Variants in C4orf54 observed in about 807,000 individuals in gnomAD.
C4orf54 encodes uncharacterized protein C4orf54.
A neutral mutation model predicts 80.1 loss-of-function variants in C4orf54; 67 were observed. The observed-to-expected ratio is 0.84, with a 90% CI of 0.69 to 1.03. The LOEUF (loss-of-function observed/expected upper bound fraction) is 1.03, where lower values mean the gene tolerates loss of function less well. Among genes scored for constraint, C4orf54 ranks in the 50% least tolerant of loss-of-function variants. The probability of loss-of-function intolerance (pLI) is 0.00; values close to 1 mark genes in which losing one functional copy is unlikely to be tolerated. For missense variants in C4orf54, 2,434 were observed against 2,253.5 expected, an observed-to-expected ratio of 1.08 and a Z score of -1.62; for synonymous variants, 1,000 against 917.0, an observed-to-expected ratio of 1.09 and a Z score of -1.64.
Position 99,652,570 on chromosome 4 carries a change from C to A in C4orf54, c.2079G>T (p.Arg693Ser). ...SSAASVAAGL[R>S]KGSGARATAD... ...CAGTGGCCCGGGCCCCACTGCCCTTCCTCAGACCTGCAGCCACAGAGGCCG... is the reference window on the plus strand; with the variant it reads ...CAGTGGCCCGGGCCCCACTGCCCTTACTCAGACCTGCAGCCACAGAGGCCG... Residue 693 changes from arginine (R) to serine (S), a missense_variant, in exon 2 of 3, where the codon AGG (arginine) becomes AGT (serine). Physicochemically the swap from Arg to Ser is moderately radical, Grantham distance 110. Coordinates refer to ENST00000511828, the MANE Select transcript of C4orf54 (RefSeq NM_001354435.2). 1 of 1,536,078 alleles carries A rather than the reference C, an allele frequency of 6.5e-7. No homozygotes were observed. Among genetic ancestry groups the A allele is most frequent in the Non-Finnish European group, 8.7e-7 (1 of 1,146,900 alleles).
Position 99,649,776 on chromosome 4 carries a change from C to T in C4orf54, c.4873G>A (p.Asp1625Asn). The T allele has an allele frequency of 6.5e-7, 1 of 1,536,198 alleles. No homozygotes were observed. The highest frequency in any genetic ancestry group is 1.4e-5 in the African/African-American group (1 of 73,146). The change falls in exon 2 of 3, where the codon GAC becomes AAC. Residue 1625 changes from aspartate to asparagine, a missense_variant. Coordinates refer to ENST00000511828, the MANE Select transcript of C4orf54 (RefSeq NM_001354435.2). ...DVTTGQYYLV[D>N]TPVQPMTRRL... ...CGGGTCATGGGCTGTACTGGTGTGT[C>T]CACCAGATAGTACTGGCCTGTTGTC...
intron 1 of C4orf54, among the ~76,000 whole-genome samples, chr4:99,656,558 C>A (rs990972522): frequency 2.6e-5 from 4 of 152,146 alleles, no homozygotes; most frequent in Non-Finnish European, 5.9e-5. Context: ...GGATTACAGG[C>A]GTGAGCCACA....
Position 99,638,890 on chromosome 4 carries a change from A to G in C4orf54, c.*2343T>C. On this transcript the variant is annotated 3_prime_UTR_variant, in exon 3 of 3. Transcript: ENST00000511828. ...TTATTTAAAAGTTGCGTTTTTAGCC[A>G]CTTGGACATCACTGTGTCCTTGGCA... 1 of 152,192 alleles carries G rather than the reference A, an allele frequency of 6.6e-6. No homozygotes were observed. Among genetic ancestry groups the G allele is most frequent in the South Asian group, 2.1e-4 (1 of 4,834 alleles). 9.4% of individuals were successfully genotyped at this position (152,192 alleles called of 1,614,324 possible). A position where few individuals can be genotyped will look rare whatever the true frequency, so the allele number is the denominator to read the frequency against.
chr4:99,651,400 T>C lies in C4orf54; in HGVS notation c.3249A>G (p.Lys1083=). 1 of 1,536,262 alleles carries C rather than the reference T, an allele frequency of 6.5e-7. No individual in the cohort carries two copies. The highest frequency in any genetic ancestry group is 2.4e-5 in the East Asian group (1 of 40,910). ...TGTCTCTCACCTGGAAATGGGGCAC[T>C]TTTTCTAGGTTGTCCCCGCGGAAGA... is the stretch of plus-strand genomic sequence containing the variant. ...QKLFRGDNLE[K]VPHFQVRDIR... Residue 1083 remains lysine (K), a synonymous_variant, in exon 2 of 3, where the codon AAA becomes AAG. Transcript: ENST00000511828.
intron 2 of C4orf54, among the ~76,000 whole-genome samples, chr4:99,648,467 C>G (rs1047029545): frequency 1.3e-5 from 2 of 152,056 alleles, no homozygotes; most frequent in African/African-American, 4.8e-5. Context: ...TGTGTTCAGT[C>G]TGGACAGGAC....
Position 99,636,947 on chromosome 4 carries a change from C to T in C4orf54, c.*4286G>A, listed in dbSNP as rs1427869763. 1 of 152,170 alleles carries T rather than the reference C, an allele frequency of 6.6e-6. No individual in the cohort carries two copies. The highest frequency in any genetic ancestry group is 1.5e-5 in the Non-Finnish European group (1 of 68,024). 9.4% of individuals were successfully genotyped at this position (152,170 alleles called of 1,614,324 possible). A position where few individuals can be genotyped will look rare whatever the true frequency, so the allele number is the denominator to read the frequency against. ...CCAATATCCTTCCCCATTAATCACACAATTTACTCTCCTTTTTTCCAACAT... is the reference window on the plus strand; with the variant it reads ...CCAATATCCTTCCCCATTAATCACATAATTTACTCTCCTTTTTTCCAACAT... On this transcript the variant is annotated 3_prime_UTR_variant, in exon 3 of 3. Coordinates refer to ENST00000511828, the MANE Select transcript of C4orf54 (RefSeq NM_001354435.2).
At position 99,653,722 on chromosome 4, in the gene C4orf54, A is replaced by G. The variant is rs1578277506; in HGVS notation, c.927T>C (p.Ser309=). Reference sequence around the variant, plus strand: ...CGGCCTGGCAACCTTCACTTTCACCACTCTCACTCTCGAAGCCTAAGGATG... The same window carrying G: ...CGGCCTGGCAACCTTCACTTTCACCGCTCTCACTCTCGAAGCCTAAGGATG... ...SSSSLGFESE[S]GESEGCQAVG... The change falls in exon 2 of 3, where the codon AGT becomes AGC. Residue 309 remains serine, a synonymous_variant. Coordinates refer to ENST00000511828, the MANE Select transcript of C4orf54 (RefSeq NM_001354435.2). The G allele has an allele frequency of 6.5e-7, 1 of 1,528,592 alleles. No individual in the cohort carries two copies. Among genetic ancestry groups the G allele is most frequent in the African/African-American group, 1.4e-5 (1 of 71,174 alleles). 94.7% of individuals were successfully genotyped at this position (1,528,592 alleles called of 1,614,324 possible).
chr4:99,638,583 A>T lies in C4orf54; in HGVS notation c.*2650T>A, dbSNP rs1726550592. 1 of 152,192 alleles carries T rather than the reference A, an allele frequency of 6.6e-6. No individual in the cohort carries two copies. The highest frequency in any genetic ancestry group is 2.4e-5 in the African/African-American group (1 of 41,464). The allele number at this position is 152,192 out of a possible 1,614,324, so 9.4% of individuals were successfully genotyped here. ...AATAAAAGGGAAGTTCAGTAACTAAAGGGACATTATTAGGGTAATAGTTTT... is the reference window on the plus strand; with the variant it reads ...AATAAAAGGGAAGTTCAGTAACTAATGGGACATTATTAGGGTAATAGTTTT... On this transcript the variant is annotated 3_prime_UTR_variant, in exon 3 of 3. Coordinates refer to ENST00000511828, the MANE Select transcript of C4orf54 (RefSeq NM_001354435.2).
chr4:99,641,068 C>G lies in C4orf54; in HGVS notation c.*165G>C, dbSNP rs1009947641. 1 of 152,092 alleles carries G rather than the reference C, an allele frequency of 6.6e-6. No homozygotes were observed. The highest frequency in any genetic ancestry group is 2.4e-5 in the African/African-American group (1 of 41,430). 9.4% of individuals were successfully genotyped at this position (152,092 alleles called of 1,614,324 possible). Reference sequence around the variant, plus strand: ...TCAGAAAAATATAGAAACTTACACACTTAGCTTATAAGAAGCAAAAATTAA... The same window carrying G: ...TCAGAAAAATATAGAAACTTACACAGTTAGCTTATAAGAAGCAAAAATTAA... On this transcript the variant is annotated 3_prime_UTR_variant, in exon 3 of 3. Coordinates refer to ENST00000511828, the MANE Select transcript of C4orf54 (RefSeq NM_001354435.2).
intron 2 of C4orf54, among the ~76,000 whole-genome samples, chr4:99,643,793 C>CACACACA (rs1553929797): frequency 3.3e-4 from 25 of 75,246 alleles, no homozygotes; most frequent in South Asian, 1.3e-3. Context: ...CACACACACA[C>CACACACA]CCCCTCCGCG....
chr4:99,654,476 T>TG lies in C4orf54; in HGVS notation c.172dup (p.Gln58ProfsTer94). The TG allele has an allele frequency of 4.2e-6, 3 of 706,974 alleles. No homozygotes were observed. The highest frequency in any genetic ancestry group is 7.7e-6 in the Non-Finnish European group (3 of 388,650). The allele number at this position is 706,974 out of a possible 1,614,324, so 43.8% of individuals were successfully genotyped here. The stretch of plus-strand genomic sequence containing the variant: ...TGAGGCGGTGGAGGTGGTCTGTGGC[T>TG]GGGGGGCTGCTGCTCCGGCCGAGAC... On this transcript the variant is annotated frameshift_variant, in exon 2 of 3. Transcript: ENST00000511828. LOFTEE classifies it high-confidence loss of function.
Position 99,650,790 on chromosome 4 carries a change from C to A in C4orf54, c.3859G>T (p.Asp1287Tyr). ...GCAATGAGCGACAGCACGTGGCTGT[C>A]CATCATCATAGGCAAGGGGTCGCTT... is the stretch of plus-strand genomic sequence containing the variant. ...RKSDPLPMMM[D>Y]SHVLSLIASE... Residue 1287 changes from aspartate (D) to tyrosine (Y), a missense_variant, in exon 2 of 3, where the codon GAC becomes TAC. Asp to Tyr is a radical substitution (Grantham distance 160). Transcript: ENST00000511828. The A allele has an allele frequency of 6.5e-7, 1 of 1,536,180 alleles. No individual in the cohort carries two copies. The highest frequency in any genetic ancestry group is 8.7e-7 in the Non-Finnish European group (1 of 1,146,918).
At chr4:99,647,456 T>G (rs1394962152) in intron 2 of C4orf54, among the ~76,000 whole-genome samples, 1 of 151,328 alleles carries the variant, frequency 6.6e-6, no homozygotes, top group Non-Finnish European at 1.5e-5. Flanking sequence ...CTCCTACCCA[T>G]GCATATTGAA....
intron 2 of C4orf54, among the ~76,000 whole-genome samples, chr4:99,644,600 C>G (rs1726667973): frequency 6.6e-6 from 1 of 152,036 alleles, no homozygotes; most frequent in Non-Finnish European, 1.5e-5. Context: ...GATTAGCTAC[C>G]TGGCCTGCAT....
In C4orf54 at chr4:99,639,477, A is replaced by G. The variant is rs1276637545; in HGVS notation, c.*1756T>C. The G allele has an allele frequency of 6.6e-6, 1 of 152,112 alleles. No individual in the cohort carries two copies. Among genetic ancestry groups the G allele is most frequent in the Non-Finnish European group, 1.5e-5 (1 of 67,994 alleles). The allele number at this position is 152,112 out of a possible 1,614,324, so 9.4% of individuals were successfully genotyped here. ...GTAAGAAGACCTCTATGATAAAGAAATATCTTTTTCTTGAATTTGGCACAA... is the reference window on the plus strand; with the variant it reads ...GTAAGAAGACCTCTATGATAAAGAAGTATCTTTTTCTTGAATTTGGCACAA... On this transcript the variant is annotated 3_prime_UTR_variant, in exon 3 of 3. Coordinates refer to ENST00000511828, the MANE Select transcript of C4orf54 (RefSeq NM_001354435.2).
intron 2 of C4orf54, among the ~76,000 whole-genome samples, chr4:99,647,421 C>T (rs964887263): frequency 6.6e-6 from 1 of 152,140 alleles, no homozygotes; most frequent in African/African-American, 2.4e-5. Context: ...TTTCCTTCTG[C>T]GAAACTAATT....
intron 2 of C4orf54, among the ~76,000 whole-genome samples, chr4:99,647,925 G>A (rs893395213): frequency 6.6e-6 from 1 of 152,116 alleles, no homozygotes. Context: ...CCGAATGAAG[G>A]CTCTTTCATT....
At position 99,652,858 on chromosome 4, in the gene C4orf54, G is replaced by A. The variant is rs1726878529; in HGVS notation, c.1791C>T (p.Ile597=). 3 of 1,536,094 alleles carry A rather than the reference G, an allele frequency of 2.0e-6. No homozygotes were observed. The highest frequency in any genetic ancestry group is 3.9e-5 in the Admixed American group (2 of 51,002). ...AGTAGTCCACCAGCTCCTTCGCCCG[G>A]ATGGCCCCGCACCTGGTTTGCAGGC... ...PARLQTRCGA[I]RAKELVDYSS... The change falls in exon 2 of 3, where the codon ATC becomes ATT. Residue 597 remains isoleucine, a synonymous_variant. Transcript: ENST00000511828.
At position 99,653,078 on chromosome 4, in the gene C4orf54, T is replaced by A; in HGVS notation, c.1571A>T (p.Lys524Ile). ...SAASQILLSIKPASRAINEPS... is the reference protein window; with the variant it reads ...SAASQILLSIIPASRAINEPS... ...CTCATTTATAGCCCGGGAAGCCGGT[T>A]TGATTGATAGGAGGATCTGGCTTGC... Residue 524 changes from lysine to isoleucine, a missense_variant, in exon 2 of 3, where the codon AAA (lysine) becomes ATA (isoleucine). Coordinates refer to ENST00000511828, the MANE Select transcript of C4orf54 (RefSeq NM_001354435.2). 1 of 1,536,216 alleles carries A rather than the reference T, an allele frequency of 6.5e-7. No homozygotes were observed. The highest frequency in any genetic ancestry group is 2.4e-5 in the East Asian group (1 of 40,894).
Sources: allele counts gnomAD v4.1 joint callset (sites outside exome capture counted in the v4.1 genomes callset), GRCh38; gene constraint gnomAD v4.1.1; transcripts MANE v1.5; gene names NCBI Gene and HGNC (gene_info 2026-07-23, HGNC 2026-07-21).